Variants in MACROD2 observed in about 807,000 individuals in gnomAD.
The protein encoded by MACROD2 is ADP-ribose glycohydrolase MACROD2.
Under a neutral mutation model 70.4 loss-of-function variants are expected in MACROD2, and 36 were observed. The observed-to-expected ratio is 0.51, with a 90% CI of 0.39 to 0.68. The LOEUF is 0.68. Ranked by LOEUF, MACROD2 falls within the 30% of genes least tolerant of loss-of-function variation. MACROD2 has a pLI of 0.00. For missense variants in MACROD2, 496 were observed against 538.4 expected (o/e 0.92, Z 0.78); for synonymous variants, 172 against 178.8 (o/e 0.96, Z 0.30).
chr20:14,570,464 G>A lies in MACROD2; in HGVS notation c.301+76956G>A, dbSNP rs538786956. Among the ~76,000 whole-genome samples, 16 of 151,952 alleles carry A rather than the reference G, an allele frequency of 1.1e-4. No individual in the cohort carries two copies. The East Asian group carries it at 1.2e-3, about 11-fold the overall frequency. On this transcript the variant is annotated intron_variant, in intron 4 of 17. Coordinates refer to ENST00000684519, the MANE Select transcript of MACROD2 (RefSeq NM_001351661.2). ...TTATGATTTGTACAATTTGCTGTGT[G>A]TGTGTTTACTCCAATAAGAAAGATT...
At chr20:15,602,941 TAA>T (rs5840673) in intron 8 of MACROD2, among the ~76,000 whole-genome samples, 85 of 150,158 alleles carry the variant, frequency 5.7e-4, no homozygotes, top group African/African-American at 1.9e-3. Context: ...CCCATTTTCT[TAA>T]AAAAAAAAAT....
intron 15 of MACROD2, among the ~76,000 whole-genome samples, chr20:16,032,827 AGAAG>A (rs1403302097): frequency 2.0e-5 from 3 of 151,600 alleles, no homozygotes; most frequent in Non-Finnish European, 4.4e-5. Flanking sequence ...GAAAAAAGAG[AGAAG>A]GAAGGAAGAA....
At chr20:14,380,676 A>G (rs1249188867) in intron 3 of MACROD2, among the ~76,000 whole-genome samples, 1 of 152,024 alleles carries the variant, frequency 6.6e-6, no homozygotes, top group Non-Finnish European at 1.5e-5. Context: ...TTCTCTATTG[A>G]CTGGTCTCTT....
At chr20:14,872,101 C>T (rs1007535758) in intron 5 of MACROD2, among the ~76,000 whole-genome samples, 4 of 151,940 alleles carry the variant, frequency 2.6e-5, no homozygotes, top group Non-Finnish European at 4.4e-5. Flanking sequence ...TGACAATATT[C>T]GACAGATCAC....
intron 4 of MACROD2, among the ~76,000 whole-genome samples, chr20:14,515,471 A>ACGCGCGTGCGCG (rs1182346144): frequency 1.0e-5 from 1 of 99,784 alleles, no homozygotes; most frequent in African/African-American, 3.8e-5. Flanking sequence ...ACACGCACAC[A>ACGCGCGTGCGCG]CACACACACA....
At chr20:14,150,076 A>G (rs1282918418) in intron 3 of MACROD2, among the ~76,000 whole-genome samples, 40 of 151,928 alleles carry the variant, frequency 2.6e-4, no homozygotes, top group Non-Finnish European at 1.2e-4. Flanking sequence ...CCTTTCCCCC[A>G]TCATCCCTTC....
intron 6 of MACROD2, among the ~76,000 whole-genome samples, chr20:15,389,513 T>C: frequency 6.6e-6 from 1 of 152,212 alleles, no homozygotes; most frequent in Non-Finnish European, 1.5e-5. Context: ...AGTAATATGG[T>C]TTATATTTTC....
In MACROD2 at chr20:14,355,732, A is replaced by G. The variant is rs972238564; in HGVS notation, c.272-137747A>G. ...ACAGTGGTTATCTCTGAGTATTGTT[A>G]TGCATATTTTAAAAATTAGCTTTCC... On this transcript the variant is annotated intron_variant, in intron 3 of 17. Transcript: ENST00000684519. Among the ~76,000 whole-genome samples the G allele has an allele frequency of 3.3e-5, 5 of 152,226 alleles. No homozygotes were observed. In the South Asian group the frequency reaches 6.2e-4, roughly 19 times the overall value.
rs12624870 is a variant in MACROD2, at chr20:14,403,436, T to A, written c.272-90043T>A. Among the ~76,000 whole-genome samples the A allele has an allele frequency of 1.4e-3, 218 of 152,282 alleles. 1 individual carries two copies. The highest frequency in any genetic ancestry group is 0.01 in the Middle Eastern group (3 of 294). On this transcript the variant is annotated intron_variant, in intron 3 of 17. Transcript: ENST00000684519. ...AAAAATCAAGGGATGGTATTTTTTT[T>A]AAAAAGCCCAAAGTATATAAATGTG...
chr20:14,968,987 T>A (rs1568903652), intron 5 of MACROD2, among the ~76,000 whole-genome samples: 1 of 152,246 alleles, frequency 6.6e-6, no homozygotes, highest in East Asian at 1.9e-4. Context: ...GAACTAAGTA[T>A]CTCCAATATG....
At chr20:15,728,100 C>T (rs1325478122) in intron 8 of MACROD2, among the ~76,000 whole-genome samples, 1 of 152,002 alleles carries the variant, frequency 6.6e-6, no homozygotes, top group Non-Finnish European at 1.5e-5. Context: ...GTTGAGGATT[C>T]TTAAGATGAA....
At chr20:15,273,779 TAG>T (rs572777760) in intron 6 of MACROD2, among the ~76,000 whole-genome samples, 73 of 152,262 alleles carry the variant, frequency 4.8e-4, no homozygotes, top group African/African-American at 1.7e-3. Flanking sequence ...ATTCAAATCA[TAG>T]ACTCTGACAA....
At chr20:15,605,987 C>T (rs1313863702) in intron 8 of MACROD2, among the ~76,000 whole-genome samples, 1 of 152,132 alleles carries the variant, frequency 6.6e-6, no homozygotes, top group African/African-American at 2.4e-5. Flanking sequence ...TGATTACATA[C>T]TCCCTTAATT....
chr20:15,395,427 C>T (rs1197368386), intron 6 of MACROD2, among the ~76,000 whole-genome samples: 1 of 152,054 alleles, frequency 6.6e-6, no homozygotes, highest in African/African-American at 2.4e-5. Flanking sequence ...TTAATTCATT[C>T]ATTTACTTAT....
At chr20:15,230,241 A>C (rs2076948249) in intron 6 of MACROD2, among the ~76,000 whole-genome samples, 180 bp downstream of exon 6, 2 of 152,136 alleles carry the variant, frequency 1.3e-5, no homozygotes, top group African/African-American at 4.8e-5. Context: ...ATATTTGCTA[A>C]ATTTTTCATG....
chr20:14,124,354 A>G (rs1249069108), intron 3 of MACROD2, among the ~76,000 whole-genome samples: 2 of 152,126 alleles, frequency 1.3e-5, no homozygotes, highest in Non-Finnish European at 1.5e-5. Context: ...TTAAGACCAG[A>G]TATCCACTAG....
intron 5 of MACROD2, among the ~76,000 whole-genome samples, chr20:15,012,324 A>G (rs2075088929): frequency 2.0e-5 from 3 of 152,164 alleles, no homozygotes; most frequent in Admixed American, 1.3e-4. Context: ...CTGAAGAAAA[A>G]TAGTCTACAT....
intron 3 of MACROD2, among the ~76,000 whole-genome samples, chr20:14,122,030 T>G (rs2054595857): frequency 6.6e-6 from 1 of 152,216 alleles, no homozygotes; most frequent in Non-Finnish European, 1.5e-5. Context: ...ATAAAAGACA[T>G]TAAAACTTTT....
At chr20:14,121,114 G>A (rs896292147) in intron 3 of MACROD2, among the ~76,000 whole-genome samples, 1 of 152,070 alleles carries the variant, frequency 6.6e-6, no homozygotes, top group African/African-American at 2.4e-5. Context: ...CTTAAGTTAA[G>A]CATTGAGACA....
Sources: gnomAD v4.1 joint callset for allele counts (sites outside exome capture counted in the v4.1 genomes callset) on GRCh38, gnomAD v4.1.1 for gene constraint, MANE v1.5 for transcripts, NCBI Gene and HGNC (gene_info 2026-07-23, HGNC 2026-07-21) for gene names.